The following ZZEF1 variants were observed in gnomAD, a reference collection of about 807,000 sequenced individuals.
ZZEF1 encodes zinc finger ZZ-type and EF-hand domain containing 1, also known as zinc finger ZZ-type and EF-hand domain-containing protein 1.
ZZEF1 carries 157 observed loss-of-function variants against 342.8 expected under a neutral mutation model. The observed-to-expected ratio is 0.46, with a 90% confidence interval of 0.40 to 0.52. The LOEUF (loss-of-function observed/expected upper bound fraction) is 0.52, where lower values mean the gene tolerates loss of function less well. Among genes scored for constraint, ZZEF1 ranks in the 20% least tolerant of loss-of-function variants. The probability of loss-of-function intolerance (pLI) is 0.00; values close to 1 mark genes in which losing one functional copy is unlikely to be tolerated. For missense variants in ZZEF1, 3,480 were observed against 3,725.6 expected, an observed-to-expected ratio of 0.93 and a Z score of 1.72; for synonymous variants, 1,505 against 1,429.1, an observed-to-expected ratio of 1.05 and a Z score of -1.20.
rs764172906 is a variant in ZZEF1, at chr17:4,076,630, G to A, written c.3234+7C>T. The A allele has an allele frequency of 6.9e-6, 11 of 1,604,732 alleles. No homozygotes were observed. In the Admixed American group the frequency reaches 1.3e-4, roughly 19 times the overall value. On this transcript the variant is annotated splice_region_variant and intron_variant, in intron 21 of 54. Transcript: ENST00000381638. ...CACGGGGCGGCTCAAGTGCTGACTC[G>A]AGTTACCTTCCTCAGTCCTCCTTCG...
rs779158401 is a variant in ZZEF1 at position 4,142,586 on chromosome 17, G to T, written c.310C>A (p.Leu104Met). The T allele has an allele frequency of 6.2e-7, 1 of 1,604,480 alleles. No individual in the cohort carries two copies. The highest frequency in any genetic ancestry group is 1.1e-5 in the South Asian group (1 of 91,020). The change falls in exon 1 of 55, where the codon CTG (leucine) becomes ATG (methionine). Residue 104 changes from leucine to methionine, a missense_variant. This residue lies in a region of ZZEF1 where 416 missense variants were observed against 374.2 expected (regional missense o/e 1.11). Coordinates refer to ENST00000381638, the MANE Select transcript of ZZEF1 (RefSeq NM_015113.4). ...SVTLEQFREL[L>M]EARGAGCSSE... ...GAGCAGCCGGCGCCGCGAGCCTCCA[G>T]CAGCTCCCGGAACTGCTCCAGAGTG... is the stretch of plus-strand genomic sequence containing the variant.
At chr17:4,124,702 C>T (rs1218986243) in intron 1 of ZZEF1, among the ~76,000 whole-genome samples, 2 of 151,832 alleles carry the variant, frequency 1.3e-5, no homozygotes, top group Non-Finnish European at 2.9e-5. Flanking sequence ...AGGTGATCCG[C>T]CCACCTCAGC....
intron 1 of ZZEF1, among the ~76,000 whole-genome samples, chr17:4,135,210 T>C (rs1203113545): frequency 2.6e-5 from 4 of 152,182 alleles, no homozygotes; most frequent in Admixed American, 2.6e-4. Context: ...ATGCGTTGGC[T>C]TACGCCTGTA....
chr17:4,070,226 A>G (rs193180496), intron 26 of ZZEF1, among the ~76,000 whole-genome samples: 8 of 152,346 alleles, frequency 5.3e-5, no homozygotes, highest in Admixed American at 3.3e-4. Context: ...GGTTATTACT[A>G]CATTCAAGAA....
At chr17:4,076,423 G>A in intron 21 of ZZEF1, 1 of 463,970 alleles carries the variant, frequency 2.2e-6, no homozygotes, top group Non-Finnish European at 3.7e-6. Flanking sequence ...GTGAGCCACT[G>A]CGCCCGGCCT....
chr17:4,104,567 G>A (rs1323223264), intron 8 of ZZEF1, 66 bp downstream of exon 8: 90 of 1,564,200 alleles, frequency 5.8e-5, no homozygotes, highest in African/African-American at 1.6e-4. Flanking sequence ...GTCATATGGC[G>A]AAGAATGGTT....
At chr17:4,052,405 T>C (rs1460310153) in intron 34 of ZZEF1, among the ~76,000 whole-genome samples, 1 of 152,198 alleles carries the variant, frequency 6.6e-6, no homozygotes, top group Non-Finnish European at 1.5e-5. Context: ...AGTCCACATG[T>C]TAATTTGTGA....
intron 31 of ZZEF1, 133 bp from the exon 32 acceptor site, chr17:4,058,288 T>G: frequency 1.1e-6 from 1 of 877,100 alleles, no homozygotes; most frequent in South Asian, 1.8e-5. Context: ...TGGGTTCCTT[T>G]CAAATTCCTC....
intron 18 of ZZEF1, 63 bp from the exon 19 acceptor site, chr17:4,078,105 G>T (rs967223776): frequency 4.9e-5 from 75 of 1,537,446 alleles, no homozygotes; most frequent in Non-Finnish European, 6.4e-5. Flanking sequence ...CATAGCCAAG[G>T]GCATCCTCTA....
At chr17:4,039,525 G>T (rs1295087975) in intron 39 of ZZEF1, among the ~76,000 whole-genome samples, 1 of 152,032 alleles carries the variant, frequency 6.6e-6, no homozygotes, top group East Asian at 1.9e-4. Context: ...GATGCAAATG[G>T]GGCAGACACA....
intron 9 of ZZEF1, among the ~76,000 whole-genome samples, chr17:4,099,706 T>C (rs951283319): frequency 1.3e-5 from 2 of 152,072 alleles, no homozygotes; most frequent in Non-Finnish European, 2.9e-5. Flanking sequence ...CCACCATGCC[T>C]GGCTAATTTT....
At chr17:4,051,914 T>C (rs2057055678) in intron 35 of ZZEF1, 57 bp downstream of exon 35, 4 of 1,535,488 alleles carry the variant, frequency 2.6e-6, no homozygotes, top group Non-Finnish European at 3.5e-6. Context: ...AAGTCCCTTT[T>C]CAAGTGAAGG....
At chr17:4,056,428 G>T in intron 32 of ZZEF1, 83 bp from the exon 33 acceptor site, 1 of 1,372,528 alleles carries the variant, frequency 7.3e-7, no homozygotes, top group Non-Finnish European at 9.5e-7. Flanking sequence ...TGTGTCTATA[G>T]GTCTATTATA....
At chr17:4,127,352 A>T (rs932877897) in intron 1 of ZZEF1, among the ~76,000 whole-genome samples, 2 of 152,172 alleles carry the variant, frequency 1.3e-5, no homozygotes, top group Non-Finnish European at 2.9e-5. Context: ...TTGAGGAGAA[A>T]AGGGCGACAG....
intron 1 of ZZEF1, among the ~76,000 whole-genome samples, chr17:4,127,000 C>A (rs1331222596): frequency 6.6e-6 from 1 of 151,580 alleles, no homozygotes; most frequent in Non-Finnish European, 1.5e-5. Context: ...AAAAGCAGAA[C>A]TGACTGGATT....
intron 35 of ZZEF1, 58 bp from the exon 36 acceptor site, chr17:4,051,101 A>C: frequency 2.5e-6 from 4 of 1,612,672 alleles, no homozygotes; most frequent in Non-Finnish European, 3.4e-6. Flanking sequence ...TGTGGCTCCA[A>C]ACAGGAGCAC....
intron 54 of ZZEF1, among the ~76,000 whole-genome samples, 200 bp from the exon 55 acceptor site, chr17:4,007,170 G>A (rs1477346375): frequency 6.6e-6 from 1 of 152,208 alleles, no homozygotes; most frequent in Non-Finnish European, 1.5e-5. Flanking sequence ...AATGTAGGTA[G>A]GAATCATCAC....
chr17:4,093,644 A>G (rs1355885191), intron 11 of ZZEF1, among the ~76,000 whole-genome samples: 1 of 152,190 alleles, frequency 6.6e-6, no homozygotes, highest in East Asian at 1.9e-4. Flanking sequence ...CCTGAATCAG[A>G]ATGTGCATTT....
In ZZEF1 at chr17:4,102,331, G is replaced by A. The variant is rs1168437073; in HGVS notation, c.1658C>T (p.Pro553Leu). The change falls in exon 9 of 55, where the codon CCG becomes CTG. Residue 553 changes from proline (P) to leucine (L), a missense_variant. By Grantham distance (98) the Pro-to-Leu change is moderately conservative. Around this residue, in one of 5 missense-constraint regions of ZZEF1, gnomAD observed 1,528 missense variants for 1,624.1 expected, o/e 0.94. Coordinates refer to ENST00000381638, the MANE Select transcript of ZZEF1 (RefSeq NM_015113.4). ...CCACCACTCACCATCCCTTGTCCAC[G>A]GTTCAACAAGGAGGTTTTCGGGTCC... ...KSGPENLLVEPWTRDGFLTET... is the reference protein window; with the variant it reads ...KSGPENLLVELWTRDGFLTET... 5.6e-6 allele frequency: 9 copies of A among 1,613,516 alleles called. No homozygotes were observed. Among genetic ancestry groups the A allele is most frequent in the Admixed American group, 1.7e-5 (1 of 60,014 alleles).
Sources: allele counts gnomAD v4.1 joint callset (sites outside exome capture counted in the v4.1 genomes callset), GRCh38; gene constraint gnomAD v4.1.1; regional missense constraint gnomAD v4.1.1; transcripts MANE v1.5; gene names NCBI Gene and HGNC (gene_info 2026-07-23, HGNC 2026-07-21).